TUSC3: variants seen among roughly 807,000 people sequenced by gnomAD.
TUSC3 encodes the protein tumor suppressor candidate 3, also known as dolichyl-diphosphooligosaccharide--protein glycosyltransferase subunit TUSC3.
In TUSC3, 45 loss-of-function variants were observed where a neutral mutation model predicts 44.8. That is an observed-to-expected ratio of 1.00 (90% CI 0.79 to 1.29). The LOEUF (loss-of-function observed/expected upper bound fraction) is 1.29, where lower values mean the gene tolerates loss of function less well. Ranked by LOEUF, TUSC3 falls within the 50% of genes most tolerant of loss-of-function variation. The pLI, the probability that TUSC3 is intolerant of heterozygous loss-of-function variation, is 0.00. For missense variants in TUSC3, 519 were observed against 437.9 expected (o/e 1.19, Z -1.65); for synonymous variants, 212 against 152.9 (o/e 1.39, Z -2.85).
At chr8:15,576,279 G>GTTTTTTTTTTTTTTTTTTTTTTTTTTTT (rs1175068882) in intron 1 of TUSC3, among the ~76,000 whole-genome samples, 14 of 104,766 alleles carry the variant, frequency 1.3e-4, no homozygotes, top group African/African-American at 2.1e-4. Context: ...TGGTCCTCTT[G>GTTTTTTTTTTTTTTTTTTTTTTTTTTTT]TTTTTTTTTT....
chr8:15,606,710 C>G (rs1031556653), intron 1 of TUSC3, among the ~76,000 whole-genome samples: 5 of 151,904 alleles, frequency 3.3e-5, no homozygotes, highest in African/African-American at 9.7e-5. Flanking sequence ...AGTGAATATC[C>G]TTTTATATTT....
rs1802199956 is a variant in TUSC3, at chr8:15,555,102, T to C, written c.138+14534T>C. 1.3e-5 allele frequency among the ~76,000 whole-genome samples: 2 copies of C among 149,358 alleles called. 1 individual carries two copies. The highest frequency in any genetic ancestry group is 4.2e-4 in the South Asian group (2 of 4,714). On this transcript the variant is annotated intron_variant, in intron 1 of 10. Transcript: ENST00000503731. ...GAAAAATTTACATAAGATTTCTCCT[T>C]GATTAGGTACGTAGGTGACAATATT...
intron 7 of TUSC3, among the ~76,000 whole-genome samples, chr8:15,734,806 A>AC (rs1436213569): frequency 6.6e-6 from 1 of 152,216 alleles, no homozygotes; most frequent in African/African-American, 2.4e-5. Flanking sequence ...AGAAGATACA[A>AC]CAGGTACACA....
intron 6 of TUSC3, among the ~76,000 whole-genome samples, chr8:15,708,984 TTTAGATTTGATAAA>T (rs1353842696): frequency 2.0e-5 from 3 of 151,934 alleles, no homozygotes; most frequent in Admixed American, 6.6e-5. Flanking sequence ...TAGTACTTAA[TTTAGATTTGATAAA>T]TTATATTTGA....
chr8:15,841,963 T>C, the TUSC3 span, among the ~76,000 whole-genome samples: 1 of 152,236 alleles, frequency 6.6e-6, no homozygotes, highest in South Asian at 2.1e-4. Flanking sequence ...TGATGTGTTC[T>C]TTAAAAATTT....
chr8:15,553,449 T>C (rs1802126169), intron 1 of TUSC3, among the ~76,000 whole-genome samples: 1 of 149,924 alleles, frequency 6.7e-6, no homozygotes, highest in Non-Finnish European at 1.5e-5. Context: ...AGGAGGAGAA[T>C]GTTCCAAGGA....
chr8:15,576,280 T>G (rs1347472653), intron 1 of TUSC3, among the ~76,000 whole-genome samples: 11 of 104,030 alleles, frequency 1.1e-4, no homozygotes, highest in African/African-American at 2.2e-4. Context: ...GGTCCTCTTG[T>G]TTTTTTTTTT....
chr8:15,618,853 C>G (rs144041340), intron 1 of TUSC3, among the ~76,000 whole-genome samples: 2 of 152,148 alleles, frequency 1.3e-5, no homozygotes, highest in African/African-American at 4.8e-5. Context: ...AGTGTTACCA[C>G]GGCTGCCCTT....
At chr8:15,763,126 T>C (rs991993119) in intron 10 of TUSC3, among the ~76,000 whole-genome samples, 1 of 151,680 alleles carries the variant, frequency 6.6e-6, no homozygotes, top group Non-Finnish European at 1.5e-5. Context: ...CTGTATATTA[T>C]ATAATTTAAA....
chr8:15,442,412 G>T (rs1350328628), intron 1 of TUSC3, among the ~76,000 whole-genome samples: 1 of 151,900 alleles, frequency 6.6e-6, no homozygotes, highest in Non-Finnish European at 1.5e-5. Flanking sequence ...TATTAGAAGG[G>T]CTAATTTTAA....
intron 2 of TUSC3, among the ~76,000 whole-genome samples, chr8:15,632,894 G>A (rs774645521): frequency 5.3e-5 from 8 of 152,024 alleles, no homozygotes; most frequent in Non-Finnish European, 1.2e-4. Context: ...CTACTTTCTG[G>A]TACAAGATAT....
chr8:15,745,317 G>A (rs1196142693), intron 8 of TUSC3, among the ~76,000 whole-genome samples: 1 of 151,996 alleles, frequency 6.6e-6, no homozygotes, highest in South Asian at 2.1e-4. Context: ...TTCTTTGGGT[G>A]TATACCCAGT....
chr8:15,768,767 G>A (rs140092971), downstream of TUSC3, among the ~76,000 whole-genome samples: 59 of 152,066 alleles, frequency 3.9e-4, no homozygotes, highest in East Asian at 7.2e-3. Context: ...ATCAATGTGC[G>A]AAAACCACAA....
chr8:15,673,729 C>A lies in TUSC3; in HGVS notation c.709-18C>A. 6.3e-7 allele frequency: 1 copy of A among 1,597,492 alleles called. No individual in the cohort carries two copies. The highest frequency in any genetic ancestry group is 8.6e-7 in the Non-Finnish European group (1 of 1,165,408). ...ATTCTCTGGTTTACATATTGAAACA[C>A]TGCACCCTGTTTTTCAGTGTATAGT... On this transcript the variant is annotated intron_variant, in intron 5 of 10. Transcript: ENST00000503731.
chr8:15,558,580 G>A (rs1256468114), intron 1 of TUSC3, among the ~76,000 whole-genome samples: 4 of 75,870 alleles, frequency 5.3e-5, no homozygotes, highest in Non-Finnish European at 9.6e-5. Context: ...CAGAAGGAAT[G>A]GTACCAGTTC....
At chr8:15,709,271 A>G (rs989526894) in intron 6 of TUSC3, among the ~76,000 whole-genome samples, 3 of 151,942 alleles carry the variant, frequency 2.0e-5, no homozygotes, top group Non-Finnish European at 4.4e-5. Context: ...TATTAGCTCA[A>G]CAGTAATATG....
rs528463430 is a variant in TUSC3, at chr8:15,653,613, C to CA, written c.426+2803dup. On this transcript the variant is annotated intron_variant, in intron 3 of 10. Transcript: ENST00000503731. ...TGGTGTAGAACTGCCTTGTCTTTCC[C>CA]AAAATCTAGTCCTTGGCTTAGCAAC... is the stretch of plus-strand genomic sequence containing the variant. 1.6e-3 allele frequency among the ~76,000 whole-genome samples: 243 copies of CA among 151,620 alleles called. 3 individuals are homozygous for CA. Among genetic ancestry groups the CA allele is most frequent in the South Asian group, 5.2e-3 (25 of 4,808 alleles).
intron 1 of TUSC3, among the ~76,000 whole-genome samples, chr8:15,573,202 CTA>C (rs373565575): frequency 0.17 from 12,538 of 73,798 alleles, 1,008 homozygotes; most frequent in East Asian, 0.25. Flanking sequence ...CTCTCTCTCT[CTA>C]TATATATATA....
chr8:15,710,255 C>T (rs1270869266), intron 6 of TUSC3, among the ~76,000 whole-genome samples: 2 of 151,978 alleles, frequency 1.3e-5, no homozygotes, highest in African/African-American at 2.4e-5. Flanking sequence ...TTTGCTACCA[C>T]TTATGCTACC....
Sources: allele counts gnomAD v4.1 joint callset (sites outside exome capture counted in the v4.1 genomes callset), GRCh38; gene constraint gnomAD v4.1.1; transcripts MANE v1.5; gene names NCBI Gene and HGNC (gene_info 2026-07-23, HGNC 2026-07-21).